The following USP49 variants were observed in gnomAD, a reference collection of about 807,000 sequenced individuals.
The protein encoded by USP49 is ubiquitin carboxyl-terminal hydrolase 49.
In USP49, 24 loss-of-function variants were observed where a neutral mutation model predicts 58.6. The ratio of observed to expected loss-of-function variants is 0.41; its 90% CI spans 0.30 to 0.58. The LOEUF is 0.58. Among genes scored for constraint, USP49 ranks in the 20% least tolerant of loss-of-function variants. USP49 has a pLI of 0.30. For missense variants in USP49, 703 were observed against 866.1 expected (o/e 0.81, Z 2.36); for synonymous variants, 408 against 365.1 (o/e 1.12, Z -1.34).
intron 5 of USP49, among the ~76,000 whole-genome samples, 176 bp from the exon 6 acceptor site, chr6:41,800,114 C>T (rs1161943389): frequency 2.0e-5 from 3 of 152,158 alleles, no homozygotes; most frequent in Admixed American, 1.3e-4. Flanking sequence ...CTTCACACGC[C>T]TGCATGGTGT....
intron 3 of USP49, among the ~76,000 whole-genome samples, chr6:41,868,158 T>A (rs1272196374): frequency 6.6e-6 from 1 of 152,188 alleles, no homozygotes; most frequent in Non-Finnish European, 1.5e-5. Flanking sequence ...GCAAATTACT[T>A]AATCTGGCAC....
intron 3 of USP49, among the ~76,000 whole-genome samples, chr6:41,863,170 T>C (rs928239837): frequency 1.3e-5 from 2 of 152,216 alleles, no homozygotes; most frequent in African/African-American, 4.8e-5. Flanking sequence ...CCTATTTACC[T>C]GTCTTGAAAA....
intron 3 of USP49, among the ~76,000 whole-genome samples, chr6:41,857,961 A>G (rs1774159229): frequency 6.6e-6 from 1 of 152,208 alleles, no homozygotes; most frequent in Non-Finnish European, 1.5e-5. Flanking sequence ...TTCAACTATG[A>G]TAATGTCAAC....
intron 3 of USP49, among the ~76,000 whole-genome samples, chr6:41,839,947 T>C (rs1582013838): frequency 6.6e-6 from 1 of 152,120 alleles, no homozygotes; most frequent in African/African-American, 2.4e-5. Context: ...AAAGAACTTA[T>C]CCATGTAACC....
At chr6:41,868,330 T>G (rs997140209) in intron 3 of USP49, among the ~76,000 whole-genome samples, 1 of 152,182 alleles carries the variant, frequency 6.6e-6, no homozygotes, top group African/African-American at 2.4e-5. Context: ...ATTTATTTAT[T>G]TATTTAATTT....
At chr6:41,857,837 T>TA in intron 3 of USP49, among the ~76,000 whole-genome samples, 1 of 152,352 alleles carries the variant, frequency 6.6e-6, no homozygotes, top group Non-Finnish European at 1.5e-5. Context: ...CATGCATACT[T>TA]ACATAGTTCA....
intron 3 of USP49, among the ~76,000 whole-genome samples, chr6:41,862,073 G>A (rs139103995): frequency 8.9e-4 from 135 of 152,320 alleles, no homozygotes; most frequent in African/African-American, 3.2e-3. Flanking sequence ...TAGCCCCCAT[G>A]AGAGGAGAAT....
In USP49 at chr6:41,793,796, C is replaced by G. The variant is rs963157223; in HGVS notation, c.*2737G>C. 5.3e-5 allele frequency: 8 copies of G among 152,160 alleles called. No homozygotes were observed. Among genetic ancestry groups the G allele is most frequent in the Admixed American group, 5.2e-4 (8 of 15,274 alleles). The allele number at this position is 152,160 out of a possible 1,614,324, so 9.4% of individuals were successfully genotyped here. A position where few individuals can be genotyped will look rare whatever the true frequency, so the allele number is the denominator to read the frequency against. Reference sequence around the variant, plus strand: ...AATCCTTTTTGAGGGCCTAGGTGCACTCATCTTGGCTGGCTACAGCAGCAA... The same window carrying G: ...AATCCTTTTTGAGGGCCTAGGTGCAGTCATCTTGGCTGGCTACAGCAGCAA... On this transcript the variant is annotated 3_prime_UTR_variant, in exon 8 of 8. Transcript: ENST00000682992.
chr6:41,812,742 G>C (rs541546970), intron 3 of USP49, among the ~76,000 whole-genome samples: 1 of 152,266 alleles, frequency 6.6e-6, no homozygotes, highest in East Asian at 1.9e-4. Flanking sequence ...AGGGATAAAA[G>C]ACTCTTCATA....
In USP49 at chr6:41,790,841, CTG is replaced by C. The variant is rs1327000924; in HGVS notation, c.*5690_*5691del. 3.3e-5 allele frequency: 5 copies of C among 152,122 alleles called. No homozygotes were observed. The highest frequency in any genetic ancestry group is 1.2e-4 in the African/African-American group (5 of 41,414). 9.4% of individuals were successfully genotyped at this position (152,122 alleles called of 1,614,324 possible). A position where few individuals can be genotyped will look rare whatever the true frequency, so the allele number is the denominator to read the frequency against. Reference sequence around the variant, plus strand: ...CCTTTGAGTCTACACTGGGTTGACTCTGAGAGGTTTATATCTTATTGGGTATT... The same window carrying C: ...CCTTTGAGTCTACACTGGGTTGACTCAGAGGTTTATATCTTATTGGGTATT... On this transcript the variant is annotated 3_prime_UTR_variant, in exon 8 of 8. Transcript: ENST00000682992.
At chr6:41,892,198 T>C (rs1582043482) in intron 1 of USP49, among the ~76,000 whole-genome samples, 2 of 152,234 alleles carry the variant, frequency 1.3e-5, no homozygotes, top group Admixed American at 1.3e-4. Flanking sequence ...CTCTTTCCCT[T>C]GGCTGATCTT....
At chr6:41,851,896 G>A (rs1774034761) in intron 3 of USP49, among the ~76,000 whole-genome samples, 1 of 138,364 alleles carries the variant, frequency 7.2e-6, no homozygotes, top group Admixed American at 7.7e-5. Context: ...AGAGGCTGCA[G>A]TGAGCTGAGA....
chr6:41,824,957 C>T (rs1166588065), intron 3 of USP49, among the ~76,000 whole-genome samples: 1 of 152,182 alleles, frequency 6.6e-6, no homozygotes, highest in Non-Finnish European at 1.5e-5. Flanking sequence ...AAGAATAAAG[C>T]AGACGTACTT....
chr6:41,852,419 C>CA (rs1455594486), intron 3 of USP49, among the ~76,000 whole-genome samples: 4 of 152,068 alleles, frequency 2.6e-5, no homozygotes, highest in African/African-American at 7.2e-5. Flanking sequence ...AATCAATATG[C>CA]AAAAATCTGC....
intron 3 of USP49, among the ~76,000 whole-genome samples, chr6:41,813,062 T>C (rs1773286838): frequency 6.6e-6 from 1 of 152,198 alleles, no homozygotes; most frequent in African/African-American, 2.4e-5. Flanking sequence ...ACTTGAAATG[T>C]GCTAGTGAGA....
intron 3 of USP49, among the ~76,000 whole-genome samples, chr6:41,850,751 C>T (rs1181174112): frequency 1.3e-5 from 2 of 151,440 alleles, no homozygotes; most frequent in African/African-American, 2.4e-5. Context: ...ACTGCAGGTG[C>T]GCCACCACGC....
In USP49 at chr6:41,872,978, G is replaced by A. The variant is rs1439790107; in HGVS notation, c.-102-1341C>T. The stretch of plus-strand genomic sequence containing the variant: ...ACTCATGTCCAGTCCCCTTGGAGTA[G>A]GTGGTTTGCTGCAGAATGGCTGGCT... On this transcript the variant is annotated intron_variant, in intron 2 of 7. Coordinates refer to ENST00000682992, the MANE Select transcript of USP49 (RefSeq NM_001286554.2). The A allele has an allele frequency of 2.0e-5, 3 of 152,256 alleles. No individual in the cohort carries two copies. In the East Asian group the frequency reaches 5.8e-4, roughly 29 times the overall value. The allele number at this position is 152,256 out of a possible 1,614,324, so 9.4% of individuals were successfully genotyped here.
At chr6:41,815,432 A>C (rs1426149131) in intron 3 of USP49, among the ~76,000 whole-genome samples, 1 of 151,936 alleles carries the variant, frequency 6.6e-6, no homozygotes, top group Non-Finnish European at 1.5e-5. Context: ...AAAAAAAAAA[A>C]AGAGTGGGGG....
intron 3 of USP49, among the ~76,000 whole-genome samples, chr6:41,868,453 G>T (rs1774358739): frequency 6.6e-6 from 1 of 152,002 alleles, no homozygotes; most frequent in African/African-American, 2.4e-5. Flanking sequence ...TCAGCCTCCT[G>T]AGTAGCTGGG....
Sources: gnomAD v4.1 joint callset for allele counts (sites outside exome capture counted in the v4.1 genomes callset) on GRCh38, gnomAD v4.1.1 for gene constraint, MANE v1.5 for transcripts, NCBI Gene and HGNC (gene_info 2026-07-23, HGNC 2026-07-21) for gene names.